The following MARK3 variants were observed in gnomAD, a reference collection of about 807,000 sequenced individuals.
The protein encoded by MARK3 is MAP/microtubule affinity-regulating kinase 3.
MARK3 carries 46 observed loss-of-function variants against 90.1 expected under a neutral mutation model. The observed-to-expected ratio is 0.51, with a 90% CI of 0.40 to 0.65. The LOEUF (loss-of-function observed/expected upper bound fraction) is 0.65, where lower values mean the gene tolerates loss of function less well. MARK3 is among the 30% of genes least tolerant of loss of function. The pLI, the probability that MARK3 is intolerant of heterozygous loss-of-function variation, is 0.00. For missense variants in MARK3, 818 were observed against 947.2 expected (o/e 0.86, Z 1.79); for synonymous variants, 321 against 332.6 (o/e 0.97, Z 0.38).
intron 1 of MARK3, among the ~76,000 whole-genome samples, chr14:103,399,723 A>G (rs1173110684): frequency 6.6e-6 from 1 of 151,502 alleles, no homozygotes; most frequent in Non-Finnish European, 1.5e-5. Context: ...GAAAAAAAAA[A>G]AAAAGAAAGG....
chr14:103,477,261 G>A lies in MARK3; in HGVS notation c.1482+2051G>A, dbSNP rs1202383889. 2.0e-5 allele frequency among the ~76,000 whole-genome samples: 3 copies of A among 152,344 alleles called. No individual in the cohort carries two copies. In the East Asian group the frequency reaches 5.8e-4, roughly 29 times the overall value. On this transcript the variant is annotated intron_variant, in intron 13 of 17. Coordinates refer to ENST00000429436, the MANE Select transcript of MARK3 (RefSeq NM_001128918.3). ...AATCCCTGCACTGTGGGAGGCCAAA[G>A]TGGGCGGATCACTTGAGGTCAGGAG...
chr14:103,466,469 T>A (rs1476577050), intron 10 of MARK3, 27 bp downstream of exon 10: 1 of 1,445,844 alleles, frequency 6.9e-7, no homozygotes, highest in East Asian at 2.3e-5. Context: ...TGCATGTTCA[T>A]GTGTTTTTGT....
At chr14:103,463,638 C>G (rs1248264714) in intron 7 of MARK3, among the ~76,000 whole-genome samples, 1 of 152,170 alleles carries the variant, frequency 6.6e-6, no homozygotes, top group Non-Finnish European at 1.5e-5. Context: ...GTTACACTAT[C>G]CAAGGCCAGA....
chr14:103,502,995 G>A lies in MARK3; in HGVS notation c.2030G>A (p.Arg677Gln), dbSNP rs1168969150. ...TSSMDPGDMM[R>Q]EIRKVLDANN... ...TCAATGGATCCCGGGGACATGATGCGGGAAATCCGCAAAGTGTTGGACGCC... is the reference window on the plus strand; with the variant it reads ...TCAATGGATCCCGGGGACATGATGCAGGAAATCCGCAAAGTGTTGGACGCC... Residue 677 changes from arginine to glutamine, a missense_variant, in exon 18 of 18, where the codon CGG (arginine) becomes CAG (glutamine). Arg to Gln is a conservative substitution (Grantham distance 43, BLOSUM62 1). This residue lies in a region of MARK3 where 560 missense variants were observed against 613.5 expected (regional missense o/e 0.91). Coordinates refer to ENST00000429436, the MANE Select transcript of MARK3 (RefSeq NM_001128918.3). 7.4e-6 allele frequency: 12 copies of A among 1,614,114 alleles called. No homozygotes were observed. The highest frequency in any genetic ancestry group is 2.7e-5 in the African/African-American group (2 of 74,934).
intron 4 of MARK3, among the ~76,000 whole-genome samples, chr14:103,450,859 CCA>C (rs1454819524): frequency 1.4e-5 from 2 of 140,922 alleles, no homozygotes; most frequent in African/African-American, 2.6e-5. Context: ...GGGATTTACT[CCA>C]GTTTCATTTT....
intron 3 of MARK3, among the ~76,000 whole-genome samples, chr14:103,439,378 G>T (rs1186776839): frequency 6.6e-6 from 1 of 152,020 alleles, no homozygotes; most frequent in African/African-American, 2.4e-5. Context: ...GTAGTGTAAA[G>T]GTTTTTTTTG....
In MARK3 at chr14:103,450,219, T is replaced by TA. The variant is rs201458885; in HGVS notation, c.346+1261dup. ...CCACGGAACAACTTCATAGTTGGAT[T>TA]AAAAAAAAATCACAAGGAATATAAT... is the stretch of plus-strand genomic sequence containing the variant. On this transcript the variant is annotated intron_variant, in intron 4 of 17. Coordinates refer to ENST00000429436, the MANE Select transcript of MARK3 (RefSeq NM_001128918.3). Among the ~76,000 whole-genome samples the TA allele has an allele frequency of 4.6e-5, 7 of 151,584 alleles. No homozygotes were observed. The East Asian group carries it at 9.6e-4, about 21-fold the overall frequency.
chr14:103,482,475 C>T (rs1396967030), intron 14 of MARK3, among the ~76,000 whole-genome samples: 11 of 151,892 alleles, frequency 7.2e-5, no homozygotes, highest in South Asian at 2.1e-4. Flanking sequence ...GAGCTGAGAT[C>T]GCGCCACTGC....
At chr14:103,448,802 A>G (rs2093057071) in intron 3 of MARK3, 117 bp from the exon 4 acceptor site, 3 of 1,001,734 alleles carry the variant, frequency 3.0e-6, no homozygotes, top group South Asian at 3.4e-5. Context: ...ATTAATAAAC[A>G]TTAGCAATGA....
chr14:103,473,007 G>GAA (rs35491726), intron 12 of MARK3, among the ~76,000 whole-genome samples: 112 of 138,152 alleles, frequency 8.1e-4, no homozygotes, highest in Middle Eastern at 3.8e-3. Context: ...ACTCCGTCTC[G>GAA]AAAAAAAAAA....
At chr14:103,502,721 A>G (rs1443742080) in intron 17 of MARK3, among the ~76,000 whole-genome samples, 161 bp from the exon 18 acceptor site, 2 of 152,236 alleles carry the variant, frequency 1.3e-5, no homozygotes, top group African/African-American at 4.8e-5. Flanking sequence ...GGAAGAAAAT[A>G]GACGAAAATA....
intron 11 of MARK3, 175 bp downstream of exon 11, chr14:103,467,366 C>T (rs2093527558): frequency 4.9e-6 from 2 of 404,448 alleles, no homozygotes; most frequent in Admixed American, 4.2e-5. Flanking sequence ...TTAACTTAAC[C>T]CTTAATGATG....
At chr14:103,491,497 A>C (rs1258951942) in intron 14 of MARK3, 3 of 351,284 alleles carry the variant, frequency 8.5e-6, no homozygotes, top group Non-Finnish European at 1.6e-5. Context: ...GAAAAGTTTG[A>C]GTTAGCTGTT....
At chr14:103,397,285 G>A (rs1200070882) in intron 1 of MARK3, among the ~76,000 whole-genome samples, 1 of 151,042 alleles carries the variant, frequency 6.6e-6, no homozygotes, top group African/African-American at 2.4e-5. Context: ...CCCTGCTAAT[G>A]CCTACCATAT....
At chr14:103,407,554 CTTTTTTTTTTTTTTTT>C (rs71460673) in intron 2 of MARK3, among the ~76,000 whole-genome samples, 1 of 71,660 alleles carries the variant, frequency 1.4e-5, no homozygotes, top group Non-Finnish European at 2.4e-5. Context: ...TGTTTTGCCT[CTTTTTTTTTTTTTTTT>C]TTTTTTTTTG....
At chr14:103,409,927 A>G (rs964286714) in intron 2 of MARK3, among the ~76,000 whole-genome samples, 1 of 152,210 alleles carries the variant, frequency 6.6e-6, no homozygotes, top group Non-Finnish European at 1.5e-5. Context: ...GTGTTTCTGT[A>G]GGATAATTCC....
chr14:103,442,938 G>GGT (rs1408454421), intron 3 of MARK3, among the ~76,000 whole-genome samples: 1 of 131,430 alleles, frequency 7.6e-6, no homozygotes. Flanking sequence ...AACTTTGGTG[G>GGT]GTGTCCCCCC....
intron 5 of MARK3, 92 bp from the exon 6 acceptor site, chr14:103,457,050 T>C: frequency 1.4e-6 from 1 of 721,722 alleles, no homozygotes; most frequent in Admixed American, 2.4e-5. Context: ...TATTTAAAAA[T>C]TAGAGCATTG....
chr14:103,483,974 C>A (rs778671839), intron 14 of MARK3, among the ~76,000 whole-genome samples: 28 of 152,120 alleles, frequency 1.8e-4, no homozygotes, highest in African/African-American at 2.4e-5. Flanking sequence ...GCAGAATTTT[C>A]TTAGTTTGCA....
Sources: gnomAD v4.1 joint callset for allele counts (sites outside exome capture counted in the v4.1 genomes callset) on GRCh38, gnomAD v4.1.1 for gene constraint, gnomAD v4.1.1 regional missense constraint, MANE v1.5 for transcripts, NCBI Gene and HGNC (gene_info 2026-07-23, HGNC 2026-07-21) for gene names.